The following JMJD1C variants were observed in gnomAD, a reference collection of about 807,000 sequenced individuals.
JMJD1C encodes the protein jumonji domain containing 1C, also known as jumonji domain-containing protein 1C.
JMJD1C carries 31 observed loss-of-function variants against 245.3 expected under a neutral mutation model. The ratio of observed to expected loss-of-function variants is 0.13; its 90% CI spans 0.09 to 0.17. The LOEUF is 0.17. Ranked by LOEUF, JMJD1C falls within the 10% of genes least tolerant of loss-of-function variation. The probability of loss-of-function intolerance (pLI) is 1.00; values close to 1 mark genes in which losing one functional copy is unlikely to be tolerated. For synonymous variants in JMJD1C, 1,057 were observed against 1,017.4 expected, an observed-to-expected ratio of 1.04 and a Z score of -0.74; for missense variants, 2,691 against 3,000.2, an observed-to-expected ratio of 0.90 and a Z score of 2.41.
At chr10:63,257,993 T>TCA (rs1854195352) in intron 3 of JMJD1C, among the ~76,000 whole-genome samples, 1 of 152,182 alleles carries the variant, frequency 6.6e-6, no homozygotes, top group South Asian at 2.1e-4. Flanking sequence ...AAGCAGCAGA[T>TCA]GGTGGCAGAG....
At chr10:63,203,149 T>C in intron 10 of JMJD1C, 1 of 984,726 alleles carries the variant, frequency 1.0e-6, no homozygotes, top group Non-Finnish European at 1.2e-6. Context: ...GCTTTTGATA[T>C]TATAATTTTT....
intron 1 of JMJD1C, among the ~76,000 whole-genome samples, chr10:63,405,709 G>A (rs1949128915): frequency 6.6e-6 from 1 of 152,166 alleles, no homozygotes; most frequent in Non-Finnish European, 1.5e-5. Flanking sequence ...TTCTATAGAT[G>A]TCAATAATTC....
chr10:63,519,745 G>A (rs1367273448), intron 1 of JMJD1C, among the ~76,000 whole-genome samples: 1 of 152,136 alleles, frequency 6.6e-6, no homozygotes, highest in East Asian at 1.9e-4. Context: ...ACGAAATCTG[G>A]GCAAAAGCAC....
chr10:63,307,370 A>G (rs534210523), intron 2 of JMJD1C, among the ~76,000 whole-genome samples: 4 of 152,374 alleles, frequency 2.6e-5, no homozygotes, highest in Admixed American at 6.5e-5. Context: ...ACAATTTAAA[A>G]GTAGGTTTAG....
At chr10:63,315,151 T>C (rs187735005) in intron 2 of JMJD1C, among the ~76,000 whole-genome samples, 3 of 152,182 alleles carry the variant, frequency 2.0e-5, no homozygotes, top group African/African-American at 7.2e-5. Flanking sequence ...TTCATGGAAG[T>C]ACACTTGCAA....
At chr10:63,391,634 A>G (rs1483863667) in intron 1 of JMJD1C, among the ~76,000 whole-genome samples, 1 of 152,184 alleles carries the variant, frequency 6.6e-6, no homozygotes, top group Non-Finnish European at 1.5e-5. Context: ...AAAACTACAA[A>G]ACAGATGAAT....
At chr10:63,275,773 A>G (rs868116187) in intron 2 of JMJD1C, among the ~76,000 whole-genome samples, 1 of 152,334 alleles carries the variant, frequency 6.6e-6, no homozygotes, top group Non-Finnish European at 1.5e-5. Flanking sequence ...CCATATTCTT[A>G]TCCTTAGTGA....
At chr10:63,440,371 G>T (rs540040328) in intron 1 of JMJD1C, among the ~76,000 whole-genome samples, 1,853 of 131,158 alleles carry the variant, frequency 0.014, 27 homozygotes, top group African/African-American at 0.034. Context: ...TATATAGAGA[G>T]AGAGAGAGAG....
intron 1 of JMJD1C, among the ~76,000 whole-genome samples, chr10:63,401,567 TTC>T (rs1269301208): frequency 1.3e-5 from 2 of 152,158 alleles, no homozygotes; most frequent in African/African-American, 2.4e-5. Context: ...CTTGTATTAA[TTC>T]TGTCTGTTTC....
At chr10:63,305,868 G>T (rs1004633056) in intron 2 of JMJD1C, among the ~76,000 whole-genome samples, 9 of 151,900 alleles carry the variant, frequency 5.9e-5, no homozygotes, top group Non-Finnish European at 1.0e-4. Flanking sequence ...GAGTAGCTGG[G>T]ACTATAGGCA....
In JMJD1C at chr10:63,219,976, A is replaced by G. The variant is rs1848419350; in HGVS notation, c.455T>C (p.Ile152Thr). ...CCTGAGAACTGGGTTTAGGCTGTCT[A>G]TGTCGTCCTAGAATTATAGATTAAA... Reference protein sequence around the residue: ...DSAFQPYQDDIDSLNPVLRDN... With the variant: ...DSAFQPYQDDTDSLNPVLRDN... The change falls in exon 4 of 26, where the codon ATA becomes ACA. Residue 152 changes from isoleucine to threonine, a missense_variant. Around this residue, in one of 9 missense-constraint regions of JMJD1C, gnomAD observed 172 missense variants for 240.8 expected, o/e 0.71. Transcript: ENST00000399262. 1 of 1,610,660 alleles carries G rather than the reference A, an allele frequency of 6.2e-7. No homozygotes were observed. The highest frequency in any genetic ancestry group is 1.3e-5 in the African/African-American group (1 of 74,876).
Position 63,455,260 on chromosome 10 carries a change from T to C in JMJD1C, c.168+10235A>G, listed in dbSNP as rs74137762. Among the ~76,000 whole-genome samples the C allele has an allele frequency of 9.2e-3, 1,399 of 152,302 alleles. 16 individuals carry two copies. The highest frequency in any genetic ancestry group is 0.031 in the African/African-American group (1,280 of 41,556). On this transcript the variant is annotated intron_variant, in intron 1 of 25. Coordinates refer to ENST00000399262, the MANE Select transcript of JMJD1C (RefSeq NM_032776.3). ...AATTTTAGTACAGATTTTTGTCCTA[T>C]ACTCCATATCTAAGATCACAGTATC...
intron 3 of JMJD1C, among the ~76,000 whole-genome samples, chr10:63,255,271 C>A (rs1486982202): frequency 1.3e-5 from 2 of 152,146 alleles, no homozygotes; most frequent in South Asian, 2.1e-4. Context: ...ATATTTATTT[C>A]TTCTTTTCAA....
chr10:63,398,282 A>T (rs1201610985), intron 1 of JMJD1C, among the ~76,000 whole-genome samples: 1 of 152,084 alleles, frequency 6.6e-6, no homozygotes, highest in Non-Finnish European at 1.5e-5. Context: ...ATGACTCTTA[A>T]ATCTATTATT....
In JMJD1C at chr10:63,465,562, C is replaced by G. The variant is rs1055456829; in HGVS notation, c.101G>C (p.Trp34Ser). The change falls in exon 1 of 26, where the codon TGG becomes TCG. Residue 34 changes from tryptophan (W) to serine (S), a missense_variant. By Grantham distance (177) the Trp-to-Ser change is radical (BLOSUM62 -3). This residue lies in a region of JMJD1C where 135 missense variants were observed against 115.5 expected (regional missense o/e 1.17). Coordinates refer to ENST00000399262, the MANE Select transcript of JMJD1C (RefSeq NM_032776.3). ...GATGACCCCCGCTCGCCAGCTTCGC[C>G]AGCCGCGTCCGCTCTCCCAGCGCTC... Reference protein sequence around the residue: ...RSERWESGRGWRSWRAGVIRA... With the variant: ...RSERWESGRGSRSWRAGVIRA... The G allele has an allele frequency of 6.2e-7, 1 of 1,606,596 alleles. No homozygotes were observed. Among genetic ancestry groups the G allele is most frequent in the Non-Finnish European group, 8.5e-7 (1 of 1,179,354 alleles).
chr10:63,490,969 T>A (rs981413065), intron 1 of JMJD1C, among the ~76,000 whole-genome samples: 1 of 152,218 alleles, frequency 6.6e-6, no homozygotes, highest in Non-Finnish European at 1.5e-5. Flanking sequence ...AATCTATAGA[T>A]AGCTCATTTA....
intron 1 of JMJD1C, among the ~76,000 whole-genome samples, chr10:63,462,693 G>C (rs1387264581): frequency 6.6e-6 from 1 of 152,104 alleles, no homozygotes; most frequent in East Asian, 1.9e-4. Flanking sequence ...ATGGAGGAAG[G>C]GGGCCATGAG....
intron 3 of JMJD1C, among the ~76,000 whole-genome samples, chr10:63,243,436 G>A (rs2133535522): frequency 6.6e-6 from 1 of 152,150 alleles, no homozygotes; most frequent in Middle Eastern, 3.4e-3. Context: ...TGAGGCAGAA[G>A]AATCGCTTGA....
At chr10:63,338,568 G>A (rs1943063992) in intron 2 of JMJD1C, among the ~76,000 whole-genome samples, 1 of 151,068 alleles carries the variant, frequency 6.6e-6, no homozygotes, top group Admixed American at 6.6e-5. Context: ...CTTAAGGGCT[G>A]ACTACACATG....
Sources: allele counts gnomAD v4.1 joint callset (sites outside exome capture counted in the v4.1 genomes callset), GRCh38; gene constraint gnomAD v4.1.1; regional missense constraint gnomAD v4.1.1; transcripts MANE v1.5; gene names NCBI Gene and HGNC (gene_info 2026-07-23, HGNC 2026-07-21).